RUVBL2: variants seen among roughly 807,000 people sequenced by gnomAD.
The protein encoded by RUVBL2 is ruvB-like 2.
Under a neutral mutation model 57.9 loss-of-function variants are expected in RUVBL2, and 9 were observed. The observed-to-expected ratio is 0.16, with a 90% CI of 0.09 to 0.27. The LOEUF is 0.27. Among genes scored for constraint, RUVBL2 ranks in the 10% least tolerant of loss-of-function variants. The probability of loss-of-function intolerance (pLI) is 1.00; values close to 1 mark genes in which losing one functional copy is unlikely to be tolerated. For missense variants in RUVBL2, 456 were observed against 669.6 expected (o/e 0.68, Z 3.52); for synonymous variants, 278 against 264.6 (o/e 1.05, Z -0.49).
intron 12 of RUVBL2, 25 bp from the exon 13 acceptor site, chr19:49,014,996 C>A (rs755047943): frequency 6.3e-7 from 1 of 1,580,192 alleles, no homozygotes; most frequent in Non-Finnish European, 8.6e-7. Context: ...CCGGCTGAGC[C>A]ACCCCTGTCC....
intron 11 of RUVBL2, among the ~76,000 whole-genome samples, chr19:49,012,812 C>T (rs938536809): frequency 2.6e-5 from 4 of 151,144 alleles, no homozygotes; most frequent in South Asian, 4.2e-4. Flanking sequence ...TGCAGAGGCA[C>T]GATCATGGCA....
chr19:49,008,433 G>A (rs2039329250), intron 6 of RUVBL2, among the ~76,000 whole-genome samples: 1 of 149,490 alleles, frequency 6.7e-6, no homozygotes, highest in Non-Finnish European at 1.5e-5. Context: ...GTAGAGACGG[G>A]GTTTCACTGT....
intron 14 of RUVBL2, 23 bp from the exon 15 acceptor site, chr19:49,015,794 T>G: frequency 1.2e-6 from 2 of 1,613,998 alleles, no homozygotes; most frequent in Admixed American, 1.7e-5. Flanking sequence ...ACACTGACCA[T>G]GTGGCCTTCC....
Position 49,011,378 on chromosome 19 carries a change from A to G in RUVBL2, c.1001+68A>G. 1 of 1,263,314 alleles carries G rather than the reference A, an allele frequency of 7.9e-7. No individual in the cohort carries two copies. Among genetic ancestry groups the G allele is most frequent in the African/African-American group, 1.5e-5 (1 of 68,252 alleles). The allele number at this position is 1,263,314 out of a possible 1,614,324, so 78.3% of individuals were successfully genotyped here. ...GGGCAGTGGGTGTGGTCAGAGGGTC[A>G]ATGGGAGCCTGTGTTGACACCGGGT... On this transcript the variant is annotated intron_variant, in intron 11 of 14. Transcript: ENST00000595090. This position sits in a 1 kb window ranked among gnomAD's most constrained non-coding sequence, Gnocchi z 4.4.
intron 6 of RUVBL2, among the ~76,000 whole-genome samples, chr19:49,009,175 A>G (rs1451455330): frequency 7.6e-6 from 1 of 131,196 alleles, no homozygotes; most frequent in Admixed American, 7.6e-5. Context: ...AAAAAAAAAA[A>G]AAAAAAAAAA....
intron 2 of RUVBL2, 152 bp from the exon 3 acceptor site, chr19:49,003,127 A>T: frequency 1.3e-6 from 1 of 746,956 alleles, no homozygotes; most frequent in South Asian, 1.5e-5. Context: ...AATTTGGGAT[A>T]TCCTTTCCAT....
At chr19:48,994,065 T>G in intron 1 of RUVBL2, 142 bp downstream of exon 1, 20 of 452,584 alleles carry the variant, frequency 4.4e-5, no homozygotes, top group South Asian at 1.3e-4. Context: ...AGGAGGAAGC[T>G]CGGCCACCCA....
chr19:49,011,910 GGAACCTC>G lies in RUVBL2; in HGVS notation c.1001+602_1001+608del, dbSNP rs1464108319. Among the ~76,000 whole-genome samples the G allele has an allele frequency of 6.6e-6, 1 of 151,798 alleles. No homozygotes were observed. The highest frequency in any genetic ancestry group is 2.4e-5 in the African/African-American group (1 of 41,418). On this transcript the variant is annotated intron_variant, in intron 11 of 14. Transcript: ENST00000595090. The surrounding 1 kb of genome is among the most constrained non-coding windows in gnomAD (Gnocchi z 4.4). ...GGGTACTGTGCTGTGCTGAAGCCTG[GGAACCTC>G]GTCTCCCAGGTGTTGCCAGCACCCT...
intron 13 of RUVBL2, 124 bp from the exon 14 acceptor site, chr19:49,015,448 C>G (rs2039526965): frequency 4.8e-6 from 4 of 829,516 alleles, no homozygotes; most frequent in Non-Finnish European, 8.0e-6. Flanking sequence ...GCAATCTGGC[C>G]CAGAATGCCC....
chr19:49,004,468 C>A (rs182485301), intron 4 of RUVBL2, 50 bp downstream of exon 4: 1 of 1,556,416 alleles, frequency 6.4e-7, no homozygotes, highest in South Asian at 1.2e-5. Context: ...CTAAATAACT[C>A]CTCCTGTGTA....
intron 4 of RUVBL2, among the ~76,000 whole-genome samples, chr19:49,005,205 C>G (rs1426436578): frequency 6.6e-6 from 1 of 152,244 alleles, no homozygotes; most frequent in African/African-American, 2.4e-5. Flanking sequence ...TTCCCACTCA[C>G]TCCCACCTCT....
At chr19:48,998,815 G>A (rs751731585) in intron 1 of RUVBL2, among the ~76,000 whole-genome samples, 42 of 151,824 alleles carry the variant, frequency 2.8e-4, no homozygotes, top group South Asian at 8.3e-4. Context: ...ATCACTTGAG[G>A]CCAGGAGTTT....
chr19:49,012,360 G>A (rs2039446163), intron 11 of RUVBL2, among the ~76,000 whole-genome samples: 1 of 152,198 alleles, frequency 6.6e-6, no homozygotes, highest in African/African-American at 2.4e-5. Context: ...GCAGGACAGT[G>A]AGGCCCAGTG....
intron 2 of RUVBL2, among the ~76,000 whole-genome samples, chr19:48,999,978 C>T (rs548211105): frequency 2.6e-5 from 4 of 152,254 alleles, no homozygotes; most frequent in African/African-American, 9.6e-5. Flanking sequence ...GGGAAGTGAC[C>T]GCATTCATTC....
At position 49,003,274 on chromosome 19, in the gene RUVBL2, T is replaced by C. The variant is rs754477398; in HGVS notation, c.68-5T>C. ...ACTGAGTCTTTGTTCTTTCCCTTCA[T>C]GTAGGTGCCCACTCCCACATCCGGG... On this transcript the variant is annotated splice_polypyrimidine_tract_variant and splice_region_variant and intron_variant, in intron 2 of 14. Transcript: ENST00000595090. 1.2e-6 allele frequency: 2 copies of C among 1,603,398 alleles called. No individual in the cohort carries two copies. Among genetic ancestry groups the C allele is most frequent in the Non-Finnish European group, 1.7e-6 (2 of 1,173,034 alleles).
intron 1 of RUVBL2, chr19:48,995,009 G>T (rs1025707631): frequency 6.6e-6 from 1 of 152,238 alleles, no homozygotes; most frequent in Non-Finnish European, 1.5e-5. Flanking sequence ...AGTCAAGATG[G>T]AGGAAGGGAG....
chr19:49,007,125 C>T lies in RUVBL2; in HGVS notation c.373C>T (p.Arg125Trp). ...CGAGGCGCTGACGCAGGCCTTCCGG[C>T]GGTCCATCGGCGTTCGCATCAAGTA... The part of the protein sequence containing the change: ...KTEALTQAFR[R>W]SIGVRIKEET... Residue 125 changes from arginine to tryptophan, a missense_variant, in exon 5 of 15, where the codon CGG becomes TGG. Arg to Trp is a moderately radical substitution (Grantham distance 101). Transcript: ENST00000595090. 6.8e-6 allele frequency: 11 copies of T among 1,613,284 alleles called. No homozygotes were observed. Among genetic ancestry groups the T allele is most frequent in the Non-Finnish European group, 9.3e-6 (11 of 1,180,030 alleles).
At chr19:48,995,812 C>T (rs1191636388) in intron 1 of RUVBL2, among the ~76,000 whole-genome samples, 3 of 151,732 alleles carry the variant, frequency 2.0e-5, no homozygotes, top group Non-Finnish European at 4.4e-5. Flanking sequence ...GGTGAAACCC[C>T]GTCTTTATTA....
chr19:49,010,393 A>C, intron 8 of RUVBL2, 95 bp from the exon 9 acceptor site: 1 of 1,223,474 alleles, frequency 8.2e-7, no homozygotes, highest in Non-Finnish European at 1.2e-6. Context: ...CATTTCCTGG[A>C]GCTCCAGTCT....
Sources: allele counts gnomAD v4.1 joint callset (sites outside exome capture counted in the v4.1 genomes callset), GRCh38; gene constraint gnomAD v4.1.1; non-coding constraint Gnocchi (gnomAD v3.1); transcripts MANE v1.5; gene names NCBI Gene and HGNC (gene_info 2026-07-23, HGNC 2026-07-21).